Variants in SSBP4 observed in about 807,000 individuals in gnomAD.
SSBP4 encodes single-stranded DNA-binding protein 4.
In SSBP4, 33 loss-of-function variants were observed where a neutral mutation model predicts 64.6. The ratio of observed to expected loss-of-function variants is 0.51; its 90% CI spans 0.39 to 0.68. The LOEUF is 0.68. Among genes scored for constraint, SSBP4 ranks in the 30% least tolerant of loss-of-function variants. The pLI, the probability that SSBP4 is intolerant of heterozygous loss-of-function variation, is 0.00. For missense variants in SSBP4, 583 were observed against 566.8 expected (o/e 1.03, Z -0.29); for synonymous variants, 243 against 224.0 (o/e 1.08, Z -0.76).
chr19:18,425,479 C>T (rs1054575346), intron 1 of SSBP4, among the ~76,000 whole-genome samples: 1 of 151,318 alleles, frequency 6.6e-6, no homozygotes, highest in Admixed American at 6.6e-5. Context: ...TCACCCTGGC[C>T]TTGTGTGCTC....
intron 6 of SSBP4, 57 bp downstream of exon 6, chr19:18,431,475 C>T: frequency 9.1e-7 from 1 of 1,093,670 alleles, no homozygotes; most frequent in Middle Eastern, 2.4e-4. Context: ...CCAGCGCCGC[C>T]CCCTCCCACC....
chr19:18,404,840 C>T, the SSBP4 span, among the ~76,000 whole-genome samples: 2 of 132,660 alleles, frequency 1.5e-5, no homozygotes, highest in East Asian at 2.2e-4. Context: ...TGCAGTGAGC[C>T]AAGACCACGC....
At chr19:18,429,349 C>T (rs955900700) in intron 4 of SSBP4, among the ~76,000 whole-genome samples, 2 of 151,868 alleles carry the variant, frequency 1.3e-5, no homozygotes, top group African/African-American at 2.4e-5. Flanking sequence ...CGGGCCGGGC[C>T]GGCTCCTCTT....
rs79053507 is a variant in SSBP4 at position 18,431,612 on chromosome 19, G to C, written c.436-35G>C. ...GGGGTAGCTTTGGGGACCAGAGGGT[G>C]GGGGAAGGTGCTGATCCCCGCCCAC... On this transcript the variant is annotated intron_variant, in intron 6 of 17. Transcript: ENST00000270061. 1.5e-3 allele frequency: 2,349 copies of C among 1,524,156 alleles called. 31 individuals carry two copies. The African/African-American group carries it at 0.027, about 18-fold the overall frequency. 94.4% of individuals were successfully genotyped at this position (1,524,156 alleles called of 1,614,324 possible). A position where few individuals can be genotyped will look rare whatever the true frequency, so the allele number is the denominator to read the frequency against.
chr19:18,433,597 T>C lies in SSBP4; in HGVS notation c.1004T>C (p.Met335Thr), dbSNP rs1338918186. 4.1e-6 allele frequency: 6 copies of C among 1,454,362 alleles called. No homozygotes were observed. In the African/African-American group the frequency reaches 6.7e-5, roughly 16 times the overall value. The allele number at this position is 1,454,362 out of a possible 1,614,324, so 90.1% of individuals were successfully genotyped here. ...TCCGTGTCTGTAGGCTCGGGCGACA[T>C]GGACGGGTTGCCGAAGGTAAGGAGG... Reference protein sequence around the residue: ...HVNGSLGSGDMDGLPKSSPGA... With the variant: ...HVNGSLGSGDTDGLPKSSPGA... Residue 335 changes from methionine to threonine, a missense_variant, in exon 16 of 18, where the codon ATG becomes ACG. This residue lies in a region of SSBP4 where 444 missense variants were observed against 386.6 expected (regional missense o/e 1.15). Coordinates refer to ENST00000270061, the MANE Select transcript of SSBP4 (RefSeq NM_032627.5).
At position 18,432,989 on chromosome 19, in the gene SSBP4, C is replaced by G. The variant is rs760843007; in HGVS notation, c.858C>G (p.Ser286Arg). The change falls in exon 14 of 18, where the codon AGC becomes AGG. Residue 286 changes from serine to arginine, a missense_variant. Ser to Arg is a moderately radical substitution (Grantham distance 110). Coordinates refer to ENST00000270061, the MANE Select transcript of SSBP4 (RefSeq NM_032627.5). Reference sequence around the variant, plus strand: ...CTCCCCCAGATTCCACCAACTCCAGCGAAAACATGTACACTATCATGAACC... The same window carrying G: ...CTCCCCCAGATTCCACCAACTCCAGGGAAAACATGTACACTATCATGAACC... ...MPSPGDSTNS[S>R]ENMYTIMNPI... The G allele has an allele frequency of 4.3e-6, 7 of 1,614,060 alleles. No individual in the cohort carries two copies. The highest frequency in any genetic ancestry group is 1.1e-5 in the South Asian group (1 of 91,090).
Position 18,419,536 on chromosome 19 carries a change from C to T in SSBP4, c.-113C>T. ...GCGCGGACGATGCCTGCCGTGCCCG[C>T]CTGGGGCTCGGGGCGGTGAGGCCCG... On this transcript the variant is annotated 5_prime_UTR_variant, in exon 1 of 18. Coordinates refer to ENST00000270061, the MANE Select transcript of SSBP4 (RefSeq NM_032627.5). 1 of 1,135,032 alleles carries T rather than the reference C, an allele frequency of 8.8e-7. No individual in the cohort carries two copies. The highest frequency in any genetic ancestry group is 1.1e-6 in the Non-Finnish European group (1 of 924,148). 70.3% of individuals were successfully genotyped at this position (1,135,032 alleles called of 1,614,324 possible). A position where few individuals can be genotyped will look rare whatever the true frequency, so the allele number is the denominator to read the frequency against.
At chr19:18,429,932 A>T (rs2144766619) in intron 4 of SSBP4, among the ~76,000 whole-genome samples, 1 of 152,138 alleles carries the variant, frequency 6.6e-6, no homozygotes, top group South Asian at 2.1e-4. Context: ...GCCCTCCTCT[A>T]GGCAGGGGGC....
chr19:18,417,018 G>A (rs1972142736), upstream of SSBP4, among the ~76,000 whole-genome samples: 1 of 151,868 alleles, frequency 6.6e-6, no homozygotes. The surrounding 1 kb of genome is among the most constrained non-coding windows in gnomAD (Gnocchi z 5.4). Flanking sequence ...CGCCCTCCGC[G>A]CCTCCCCCAT....
chr19:18,419,444 C>A lies in SSBP4; in HGVS notation c.-205C>A, dbSNP rs1972266018. 9.5e-7 allele frequency: 1 copy of A among 1,054,012 alleles called. No homozygotes were observed. The highest frequency in any genetic ancestry group is 1.1e-6 in the Non-Finnish European group (1 of 876,274). The allele number at this position is 1,054,012 out of a possible 1,614,324, so 65.3% of individuals were successfully genotyped here. On this transcript the variant is annotated 5_prime_UTR_variant, in exon 1 of 18. Transcript: ENST00000270061. ...GGAGGAAAGGGAGGAAAAAAAGCCACCCTGCGGCCGGGGCCGGAGCTGGAG... is the reference window on the plus strand; with the variant it reads ...GGAGGAAAGGGAGGAAAAAAAGCCAACCTGCGGCCGGGGCCGGAGCTGGAG...
chr19:18,429,466 G>C (rs530225768), intron 4 of SSBP4, among the ~76,000 whole-genome samples: 12 of 123,122 alleles, frequency 9.7e-5, no homozygotes, highest in African/African-American at 4.8e-4. Context: ...CGGGTCGCAG[G>C]GGGCGGGGGG....
At position 18,427,277 on chromosome 19, in the gene SSBP4, G is replaced by A; in HGVS notation, c.60-74G>A. ...AGGCCACCTTTCCACCCGCCCTCCTGAGAGATGGAGGGGCTTTGGGGTGGG... is the reference window on the plus strand; with the variant it reads ...AGGCCACCTTTCCACCCGCCCTCCTAAGAGATGGAGGGGCTTTGGGGTGGG... On this transcript the variant is annotated intron_variant, in intron 1 of 17. Coordinates refer to ENST00000270061, the MANE Select transcript of SSBP4 (RefSeq NM_032627.5). This position sits in a 1 kb window ranked among gnomAD's most constrained non-coding sequence, Gnocchi z 4.4. 7.2e-6 allele frequency: 11 copies of A among 1,517,702 alleles called. No homozygotes were observed. The South Asian group carries it at 1.0e-4, about 14-fold the overall frequency. 94.0% of individuals were successfully genotyped at this position (1,517,702 alleles called of 1,614,324 possible). A position where few individuals can be genotyped will look rare whatever the true frequency, so the allele number is the denominator to read the frequency against.
chr19:18,420,004 G>A (rs1336420276), intron 1 of SSBP4: 5 of 169,864 alleles, frequency 2.9e-5, no homozygotes, highest in Non-Finnish European at 6.3e-5. Context: ...ATTGGCGGGG[G>A]CGCGCGAAAC....
chr19:18,408,907 G>A, the SSBP4 span, among the ~76,000 whole-genome samples: 2 of 151,896 alleles, frequency 1.3e-5, no homozygotes, highest in South Asian at 2.1e-4. Context: ...CCACTTCCTG[G>A]GCTCAAGCGA....
At position 18,434,395 on chromosome 19, in the gene SSBP4, A is replaced by C; in HGVS notation, c.*149A>C. On this transcript the variant is annotated 3_prime_UTR_variant, in exon 18 of 18. Coordinates refer to ENST00000270061, the MANE Select transcript of SSBP4 (RefSeq NM_032627.5). ...GGGAGGCCCCACACGAAAGACTCTT[A>C]CCATTTTATTAAAAACGCAAGGACC... 7.3e-7 allele frequency: 1 copy of C among 1,371,396 alleles called. No homozygotes were observed. The highest frequency in any genetic ancestry group is 1.6e-5 in the South Asian group (1 of 63,178). 85.0% of individuals were successfully genotyped at this position (1,371,396 alleles called of 1,614,324 possible).
chr19:18,404,998 C>T, the SSBP4 span, among the ~76,000 whole-genome samples: 2 of 146,912 alleles, frequency 1.4e-5, no homozygotes, highest in African/African-American at 5.0e-5. Flanking sequence ...CCCCCCCCCG[C>T]GAAAGAAAAA....
upstream of SSBP4, chr19:18,419,180 G>A: frequency 1.0e-6 from 1 of 985,814 alleles, no homozygotes; most frequent in Non-Finnish European, 1.2e-6. Flanking sequence ...ACGCGCGCGT[G>A]TGCAGCCGCG....
chr19:18,430,690 A>G, intron 4 of SSBP4, 151 bp from the exon 5 acceptor site: 1 of 627,600 alleles, frequency 1.6e-6, no homozygotes, highest in Non-Finnish European at 2.7e-6. Flanking sequence ...AGACCCACAG[A>G]TCCTCAGGCC....
At chr19:18,434,113 C>T in intron 17 of SSBP4, 104 bp from the exon 18 acceptor site, 2 of 1,538,000 alleles carry the variant, frequency 1.3e-6, no homozygotes, top group South Asian at 2.4e-5. Context: ...CATGTCTGCC[C>T]AGGACCCAGC....
Sources: allele counts gnomAD v4.1 joint callset (sites outside exome capture counted in the v4.1 genomes callset), GRCh38; gene constraint gnomAD v4.1.1; regional missense constraint gnomAD v4.1.1; non-coding constraint Gnocchi (gnomAD v3.1); transcripts MANE v1.5; gene names NCBI Gene and HGNC (gene_info 2026-07-23, HGNC 2026-07-21).